The following ZUP1 variants were observed in gnomAD, a reference collection of about 807,000 sequenced individuals.
ZUP1 encodes zinc finger containing ubiquitin peptidase 1.
In ZUP1, 55 loss-of-function variants were observed where a neutral mutation model predicts 68.1. The observed-to-expected ratio is 0.81, with a 90% confidence interval of 0.65 to 1.01. The LOEUF (loss-of-function observed/expected upper bound fraction) is 1.01, where lower values mean the gene tolerates loss of function less well. Ranked by LOEUF, ZUP1 falls within the 50% of genes least tolerant of loss-of-function variation. ZUP1 has a pLI of 0.00. For synonymous variants in ZUP1, 223 were observed against 221.5 expected (o/e 1.01, Z -0.06); for missense variants, 684 against 674.9 (o/e 1.01, Z -0.15).
At chr6:116,644,696 G>A (rs1776233093) in intron 9 of ZUP1, among the ~76,000 whole-genome samples, 1 of 151,900 alleles carries the variant, frequency 6.6e-6, no homozygotes, top group African/African-American at 2.4e-5. Flanking sequence ...TTGTGGGGTG[G>A]GGGGAGTGGG....
intron 4 of ZUP1, 140 bp from the exon 5 acceptor site, chr6:116,656,992 A>G (rs1644116741): frequency 3.9e-6 from 2 of 515,896 alleles, no homozygotes; most frequent in South Asian, 7.5e-5. Context: ...AAAGATTTTT[A>G]CAAAAACTAA....
chr6:116,644,866 AAAGAAG>A (rs1240415375), intron 9 of ZUP1, among the ~76,000 whole-genome samples: 2 of 151,610 alleles, frequency 1.3e-5, no homozygotes, highest in African/African-American at 2.4e-5. Flanking sequence ...AATAATAAAA[AAAGAAG>A]AAGAAGAAGA....
At chr6:116,665,817 C>T (rs537948173) in intron 2 of ZUP1, among the ~76,000 whole-genome samples, 41 of 150,620 alleles carry the variant, frequency 2.7e-4, no homozygotes, top group African/African-American at 8.6e-4. Context: ...TCTCGAACTC[C>T]TGGACTCAAG....
At chr6:116,636,931 T>C (rs1446851205) in intron 9 of ZUP1, among the ~76,000 whole-genome samples, 2 of 152,176 alleles carry the variant, frequency 1.3e-5, no homozygotes, top group East Asian at 1.9e-4. Flanking sequence ...GACTTTTACC[T>C]GATGATCTGC....
intron 9 of ZUP1, among the ~76,000 whole-genome samples, chr6:116,639,891 A>G (rs1333943178): frequency 6.6e-6 from 1 of 152,250 alleles, no homozygotes; most frequent in Non-Finnish European, 1.5e-5. Context: ...AACTACTCCG[A>G]GCTACAGGAT....
At chr6:116,643,075 C>T (rs1776173323) in intron 9 of ZUP1, among the ~76,000 whole-genome samples, 1 of 151,402 alleles carries the variant, frequency 6.6e-6, no homozygotes, top group African/African-American at 2.4e-5. Flanking sequence ...CATGAGTGAA[C>T]TCCCATTCAC....
At position 116,645,873 on chromosome 6, in the gene ZUP1, T is replaced by G. The variant is rs764621157; in HGVS notation, c.1530A>C (p.Ile510=). ...EKKNRTLCLL[I]LDPGCPSREM... is the part of the protein sequence containing the mutation. ...CTCGAGAAGGACATCCAGGATCAAGTATTAGTAAGCATAATGTTCGGTTTT... is the reference window on the plus strand; with the variant it reads ...CTCGAGAAGGACATCCAGGATCAAGGATTAGTAAGCATAATGTTCGGTTTT... Residue 510 remains isoleucine, a synonymous_variant, in exon 9 of 10, where the codon ATA becomes ATC. Coordinates refer to ENST00000368576, the MANE Select transcript of ZUP1 (RefSeq NM_145062.3). 1 of 1,613,786 alleles carries G rather than the reference T, an allele frequency of 6.2e-7. No homozygotes were observed. The highest frequency in any genetic ancestry group is 1.3e-5 in the African/African-American group (1 of 74,914).
chr6:116,652,049 G>A lies in ZUP1; in HGVS notation c.1105C>T (p.Leu369Phe). 2 of 1,613,946 alleles carry A rather than the reference G, an allele frequency of 1.2e-6. No individual in the cohort carries two copies. The highest frequency in any genetic ancestry group is 1.7e-6 in the Non-Finnish European group (2 of 1,179,880). The change falls in exon 6 of 10, where the codon CTT becomes TTT. Residue 369 changes from leucine to phenylalanine, a missense_variant. Leu to Phe is a conservative substitution (Grantham distance 22). Coordinates refer to ENST00000368576, the MANE Select transcript of ZUP1 (RefSeq NM_145062.3). Reference sequence around the variant, plus strand: ...GCATCATTTTGTAATAATGATGAAAGTAGCATTTGGAAATTTCTGTAACCA... The same window carrying A: ...GCATCATTTTGTAATAATGATGAAAATAGCATTTGGAAATTTCTGTAACCA... ...GCGYRNFQML[L>F]SSLLQNDAYN...
chr6:116,662,901 G>C (rs117163189), intron 2 of ZUP1, among the ~76,000 whole-genome samples: 2,211 of 152,184 alleles, frequency 0.015, 32 homozygotes, highest in Middle Eastern at 0.038. Context: ...AATATTTTCT[G>C]AAGTCTTAGA....
In ZUP1 at chr6:116,660,190, T is replaced by C. The variant is rs143074203; in HGVS notation, c.670+546A>G. The C allele has an allele frequency of 1.6e-3, 239 of 152,706 alleles. 1 individual carries two copies. The highest frequency in any genetic ancestry group is 6.8e-3 in the Middle Eastern group (2 of 294). 9.5% of individuals were successfully genotyped at this position (152,706 alleles called of 1,614,324 possible). A position where few individuals can be genotyped will look rare whatever the true frequency, so the allele number is the denominator to read the frequency against. On this transcript the variant is annotated intron_variant, in intron 3 of 9. Coordinates refer to ENST00000368576, the MANE Select transcript of ZUP1 (RefSeq NM_145062.3). ...ATACTGGTACTAGGATCATTGATAC[T>C]GGACACTAAAGACCTCTGCCTTAAC...
intron 9 of ZUP1, among the ~76,000 whole-genome samples, chr6:116,640,922 G>C (rs879643180): frequency 2.0e-5 from 3 of 148,432 alleles, no homozygotes; most frequent in Admixed American, 1.3e-4. Context: ...AGACCCATCA[G>C]TGTGCTGTAT....
intron 1 of ZUP1, among the ~76,000 whole-genome samples, 178 bp from the exon 2 acceptor site, chr6:116,667,385 TA>T (rs1228697601): frequency 2.6e-5 from 4 of 152,164 alleles, no homozygotes; most frequent in African/African-American, 4.8e-5. Context: ...AAATTTCATT[TA>T]TTTTTTTTTA....
At chr6:116,665,754 GTTT>G (rs557653411) in intron 2 of ZUP1, among the ~76,000 whole-genome samples, 3 of 127,428 alleles carry the variant, frequency 2.4e-5, no homozygotes, top group East Asian at 2.2e-4. Context: ...TAGTTTTTTG[GTTT>G]TTTTTTTTTT....
rs1436215878 is a variant in ZUP1, at chr6:116,668,627, G to A, written c.-77C>T. Reference sequence around the variant, plus strand: ...CTAGGCTTCCCCTTTGGGCCTCGCTGGCAGACGAGTGCGTGCGCGGCGTCC... The same window carrying A: ...CTAGGCTTCCCCTTTGGGCCTCGCTAGCAGACGAGTGCGTGCGCGGCGTCC... On this transcript the variant is annotated 5_prime_UTR_variant, in exon 1 of 10. Transcript: ENST00000368576. The A allele has an allele frequency of 6.6e-6, 1 of 152,490 alleles. No homozygotes were observed. Among genetic ancestry groups the A allele is most frequent in the Non-Finnish European group, 1.5e-5 (1 of 68,254 alleles). 9.4% of individuals were successfully genotyped at this position (152,490 alleles called of 1,614,324 possible).
chr6:116,646,906 C>T (rs1230941277), intron 8 of ZUP1, among the ~76,000 whole-genome samples: 7 of 151,982 alleles, frequency 4.6e-5, no homozygotes, highest in Non-Finnish European at 8.8e-5. Context: ...AAGGTAAGGT[C>T]AGGGAAGGCC....
In ZUP1 at chr6:116,635,721, T is replaced by C; in HGVS notation, c.*111A>G. 1 of 763,770 alleles carries C rather than the reference T, an allele frequency of 1.3e-6. No homozygotes were observed. The highest frequency in any genetic ancestry group is 2.0e-6 in the Non-Finnish European group (1 of 493,936). 47.3% of individuals were successfully genotyped at this position (763,770 alleles called of 1,614,324 possible). On this transcript the variant is annotated 3_prime_UTR_variant, in exon 10 of 10. Coordinates refer to ENST00000368576, the MANE Select transcript of ZUP1 (RefSeq NM_145062.3). ...GGCATTTTAGAAATTAAATTATATG[T>C]TAAGACTTAAGAGAATTCACAGATT...
rs916803345 is a variant in ZUP1 at position 116,668,757 on chromosome 6, T to C, written c.-207A>G. On this transcript the variant is annotated 5_prime_UTR_variant, in exon 1 of 10. Transcript: ENST00000368576. Reference sequence around the variant, plus strand: ...GAACTTCCAACACCTTGGCCCTCAGTACCTCATTCAAAAGCACTTCCTTAC... The same window carrying C: ...GAACTTCCAACACCTTGGCCCTCAGCACCTCATTCAAAAGCACTTCCTTAC... The C allele has an allele frequency of 6.6e-6, 1 of 152,198 alleles. No homozygotes were observed. The highest frequency in any genetic ancestry group is 2.4e-5 in the African/African-American group (1 of 41,420). 9.4% of individuals were successfully genotyped at this position (152,198 alleles called of 1,614,324 possible). A position where few individuals can be genotyped will look rare whatever the true frequency, so the allele number is the denominator to read the frequency against.
intron 8 of ZUP1, 122 bp downstream of exon 8, chr6:116,647,337 C>A: frequency 1.2e-6 from 1 of 850,954 alleles, no homozygotes; most frequent in South Asian, 3.3e-5. Flanking sequence ...CCAGCCTGAG[C>A]AACAGAGTGA....
rs1233105194 is a variant in ZUP1 at position 116,645,613 on chromosome 6, GAAAAAAA to G, written c.1689+94_1689+100del. On this transcript the variant is annotated intron_variant, in intron 9 of 9. Coordinates refer to ENST00000368576, the MANE Select transcript of ZUP1 (RefSeq NM_145062.3). ...AAAAAAAAAAAAAAGAAAAAGAATAGAAAAAAAAGAAAAAAGTGATAACACTGATTTT... is the reference window on the plus strand; with the variant it reads ...AAAAAAAAAAAAAAGAAAAAGAATAGAGAAAAAAGTGATAACACTGATTTT... The G allele has an allele frequency of 7.4e-6, 5 of 671,742 alleles. No homozygotes were observed. The East Asian group carries it at 1.6e-4, about 22-fold the overall frequency. 41.6% of individuals were successfully genotyped at this position (671,742 alleles called of 1,614,324 possible).
Sources: gnomAD v4.1 joint callset for allele counts (sites outside exome capture counted in the v4.1 genomes callset) on GRCh38, gnomAD v4.1.1 for gene constraint, MANE v1.5 for transcripts, NCBI Gene and HGNC (gene_info 2026-07-23, HGNC 2026-07-21) for gene names.